The following ATP1B4 variants were observed in gnomAD, a reference collection of about 807,000 sequenced individuals.
ATP1B4 encodes the protein protein ATP1B4.
In ATP1B4, 32 loss-of-function variants were observed where a neutral mutation model predicts 29.6. The ratio of observed to expected loss-of-function variants is 1.08; its 90% CI spans 0.82 to 1.45. ATP1B4 has a LOEUF of 1.45. ATP1B4 is among the 40% of genes most tolerant of loss of function. The pLI is 0.00. For synonymous variants in ATP1B4, 127 were observed against 102.1 expected, an observed-to-expected ratio of 1.24 and a Z score of -1.47; for missense variants, 323 against 276.2, an observed-to-expected ratio of 1.17 and a Z score of -1.20.
At position 120,382,950 on chromosome X, in the gene ATP1B4, A is replaced by G. The variant is rs779884411; in HGVS notation, c.*3316A>G. 1.3e-4 allele frequency: 15 copies of G among 112,144 alleles called. No individual in the cohort carries two copies. The highest frequency in any genetic ancestry group is 2.4e-4 in the Non-Finnish European group (13 of 53,224). 9.2% of individuals were successfully genotyped at this position (112,144 alleles called of 1,213,427 possible). On this transcript the variant is annotated 3_prime_UTR_variant, in exon 8 of 8. Transcript: ENST00000218008. ...TGTTCAATAGACTTCTAGTAGATTA[A>G]TTTAAATAGTTCCCCATACCGTGCT...
Position 120,378,748 on chromosome X carries a change from A to G in ATP1B4, c.887A>G (p.Tyr296Cys), listed in dbSNP as rs750716159. 2 of 1,210,237 alleles carry G rather than the reference A, an allele frequency of 1.7e-6. No individual in the cohort carries two copies. Among genetic ancestry groups the G allele is most frequent in the African/African-American group, 3.5e-5 (2 of 57,595 alleles). ...TCGGCTTCTTTTGACCTCCGCTACT[A>G]CCCTTACTACGGCAAACTGACTCAC... The part of the protein sequence containing the change: ...PESASFDLRY[Y>C]PYYGKLTHVN... Residue 296 changes from tyrosine (Y) to cysteine (C), a missense_variant, in exon 7 of 8, where the codon TAC becomes TGC. By Grantham distance (194) the Tyr-to-Cys change is radical. Coordinates refer to ENST00000218008, the MANE Select transcript of ATP1B4 (RefSeq NM_001142447.3).
intron 4 of ATP1B4, 108 bp from the exon 5 acceptor site, chrX:120,375,264 T>C: frequency 1.4e-6 from 1 of 702,328 alleles, no homozygotes; most frequent in Non-Finnish European, 2.1e-6. Context: ...TTCAGAGGAG[T>C]ACAAACAAGC....
Position 120,362,096 on chromosome X carries a change from C to T in ATP1B4, c.-73C>T. Reference sequence around the variant, plus strand: ...CAAGTGTCCCCAGCAACCAGTGTCTCCTGTACCAGCAGAAGCTCCAGAACT... The same window carrying T: ...CAAGTGTCCCCAGCAACCAGTGTCTTCTGTACCAGCAGAAGCTCCAGAACT... On this transcript the variant is annotated 5_prime_UTR_variant, in exon 1 of 8. Transcript: ENST00000218008. The T allele has an allele frequency of 1.0e-6, 1 of 982,716 alleles. No homozygotes were observed. 81.0% of individuals were successfully genotyped at this position (982,716 alleles called of 1,213,427 possible).
At chrX:120,372,734 C>T (rs763356172) in intron 4 of ATP1B4, among the ~76,000 whole-genome samples, 78 of 112,396 alleles carry the variant, frequency 6.9e-4, no homozygotes, top group African/African-American at 2.5e-3. Context: ...CATAATTCTA[C>T]GCTGCTGTCA....
intron 5 of ATP1B4, 89 bp downstream of exon 5, chrX:120,375,657 C>A: frequency 1.6e-5 from 13 of 798,500 alleles, no homozygotes; most frequent in Non-Finnish European, 2.3e-5. Context: ...TCTCTGTCTT[C>A]ACACACCACA....
rs1395955484 is a variant in ATP1B4, at chrX:120,366,639, A to G, written c.178A>G (p.Lys60Glu). The G allele has an allele frequency of 2.5e-6, 3 of 1,205,270 alleles. No individual in the cohort carries two copies. In the East Asian group the frequency reaches 8.9e-5, roughly 36 times the overall value. The change falls in exon 2 of 8, where the codon AAA becomes GAA. Residue 60 changes from lysine (K) to glutamate (E), a missense_variant. Lys to Glu is a moderately conservative substitution (Grantham distance 56). Coordinates refer to ENST00000218008, the MANE Select transcript of ATP1B4 (RefSeq NM_001142447.3). ...KSEEEEEEEEKEEEEEEEKEE... is the reference protein window; with the variant it reads ...KSEEEEEEEEEEEEEEEEKEE... ...GGAGGAGGAGGAAGAAGAGGAGGAG[A>G]AAGAAGAGGAGGAAGAGGAGGAAAA... is the stretch of plus-strand genomic sequence containing the variant.
At position 120,366,624 on chromosome X, in the gene ATP1B4, G is replaced by GAAGAAGAGGAGGAGA; in HGVS notation, c.177_191dup (p.Lys60_Glu64dup). 8.3e-7 allele frequency: 1 copy of GAAGAAGAGGAGGAGA among 1,206,212 alleles called. No homozygotes were observed. The highest frequency in any genetic ancestry group is 3.0e-5 in the East Asian group (1 of 33,791). On this transcript the variant is annotated inframe_insertion, in exon 2 of 8. Transcript: ENST00000218008. ...GGTGGTGCCCAAATCGGAGGAGGAG[G>GAAGAAGAGGAGGAGA]AAGAAGAGGAGGAGAAAGAAGAGGA... is the stretch of plus-strand genomic sequence containing the variant.
At chrX:120,363,301 C>T (rs1181875898) in intron 1 of ATP1B4, among the ~76,000 whole-genome samples, 1 of 112,285 alleles carries the variant, frequency 8.9e-6, no homozygotes, top group African/African-American at 3.2e-5. Context: ...TTTGAAGAAC[C>T]GTTTAACTTC....
chrX:120,376,445 T>C lies in ATP1B4; in HGVS notation c.816+9T>C. 1 of 1,200,023 alleles carries C rather than the reference T, an allele frequency of 8.3e-7. No individual in the cohort carries two copies. On this transcript the variant is annotated intron_variant, in intron 6 of 7. Transcript: ENST00000218008. Reference sequence around the variant, plus strand: ...TTTCCTGCAAAGTTCAGGTAAAGAGTCCTTTTGAGTAAGCATTGTTAGCAC... The same window carrying C: ...TTTCCTGCAAAGTTCAGGTAAAGAGCCCTTTTGAGTAAGCATTGTTAGCAC...
At position 120,376,397 on chromosome X, in the gene ATP1B4, T is replaced by C. The variant is rs778775768; in HGVS notation, c.777T>C (p.Pro259=). The C allele has an allele frequency of 1.7e-6, 2 of 1,210,717 alleles. No individual in the cohort carries two copies. The highest frequency in any genetic ancestry group is 2.2e-6 in the Non-Finnish European group (2 of 894,536). The change falls in exon 6 of 8, where the codon CCT becomes CCC. Residue 259 remains proline, a synonymous_variant. Transcript: ENST00000218008. ...LKMNRIVGFR[P]ELGDPVKVSC... ...TTTGATAGATTGTAGGCTTTCGTCCTGAGCTTGGAGATCCTGTGAAGGTTT... is the reference window on the plus strand; with the variant it reads ...TTTGATAGATTGTAGGCTTTCGTCCCGAGCTTGGAGATCCTGTGAAGGTTT...
In ATP1B4 at chrX:120,380,796, AG is replaced by A. The variant is rs1402279421; in HGVS notation, c.*1163del. ...GGCCAGGCAAAAGCCAAGGCCCATT[AG>A]CCAGTTTAGCATTTACTTTAAAAAT... On this transcript the variant is annotated 3_prime_UTR_variant, in exon 8 of 8. Transcript: ENST00000218008. 4 of 112,502 alleles carry A rather than the reference AG, an allele frequency of 3.6e-5. No individual in the cohort carries two copies. The highest frequency in any genetic ancestry group is 7.5e-5 in the Non-Finnish European group (4 of 53,292). 9.3% of individuals were successfully genotyped at this position (112,502 alleles called of 1,213,427 possible). A position where few individuals can be genotyped will look rare whatever the true frequency, so the allele number is the denominator to read the frequency against.
intron 6 of ATP1B4, 137 bp from the exon 7 acceptor site, chrX:120,378,541 C>T (rs2147257879): frequency 1.8e-6 from 1 of 548,071 alleles, no homozygotes; most frequent in East Asian, 3.3e-5. Context: ...AGCTCTGCTC[C>T]ATTCTGCTTT....
In ATP1B4 at chrX:120,375,464, G is replaced by T. The variant is rs775620605; in HGVS notation, c.655G>T (p.Ala219Ser). 6.6e-5 allele frequency: 80 copies of T among 1,208,907 alleles called. No individual in the cohort carries two copies. Among genetic ancestry groups the T allele is most frequent in the Non-Finnish European group, 8.4e-5 (75 of 894,678 alleles). ...TGGCAATGAGGATGAGGACAAGAAG[G>T]CCTGCCAATTTAAGCGCTCCTTCCT... ...QDGNEDEDKK[A>S]CQFKRSFLKN... Residue 219 changes from alanine (A) to serine (S), a missense_variant, in exon 5 of 8, where the codon GCC becomes TCC. Transcript: ENST00000218008.
chrX:120,370,633 T>C, intron 2 of ATP1B4, 82 bp from the exon 3 acceptor site: 1 of 1,130,003 alleles, frequency 8.8e-7, no homozygotes. Context: ...CGTGGTTGGG[T>C]TTGTTCTGGT....
chrX:120,362,122 C>G lies in ATP1B4; in HGVS notation c.-47C>G. 8.7e-7 allele frequency: 1 copy of G among 1,146,901 alleles called. No homozygotes were observed. Among genetic ancestry groups the G allele is most frequent in the Non-Finnish European group, 1.2e-6 (1 of 837,517 alleles). The allele number at this position is 1,146,901 out of a possible 1,213,427, so 94.5% of individuals were successfully genotyped here. A position where few individuals can be genotyped will look rare whatever the true frequency, so the allele number is the denominator to read the frequency against. On this transcript the variant is annotated 5_prime_UTR_variant, in exon 1 of 8. Coordinates refer to ENST00000218008, the MANE Select transcript of ATP1B4 (RefSeq NM_001142447.3). ...CTGTACCAGCAGAAGCTCCAGAACT[C>G]TCACCCGATTGCCTGCCTCTGCTGC...
chrX:120,374,717 TATA>T (rs2058337591), intron 4 of ATP1B4, among the ~76,000 whole-genome samples: 1 of 73,529 alleles, frequency 1.4e-5, no homozygotes, highest in Non-Finnish European at 2.4e-5. Context: ...TACCCTTATA[TATA>T]ATATATATAT....
Position 120,372,033 on chromosome X carries a change from C to T in ATP1B4, c.562+823C>T, listed in dbSNP as rs541941323. Among the ~76,000 whole-genome samples the T allele has an allele frequency of 2.3e-4, 26 of 112,308 alleles. No individual in the cohort carries two copies. In the South Asian group the frequency reaches 9.7e-3, roughly 42 times the overall value. On this transcript the variant is annotated intron_variant, in intron 4 of 7. Transcript: ENST00000218008. Reference sequence around the variant, plus strand: ...GAAGAATCTCTGGGTGGCAGTCGCTCCAACATTCTGATCCCAAGTATTTTC... The same window carrying T: ...GAAGAATCTCTGGGTGGCAGTCGCTTCAACATTCTGATCCCAAGTATTTTC...
chrX:120,372,000 A>C (rs1291154117), intron 4 of ATP1B4, among the ~76,000 whole-genome samples: 1 of 112,463 alleles, frequency 8.9e-6, no homozygotes, highest in Non-Finnish European at 1.9e-5. Flanking sequence ...TCCAGAAAGG[A>C]GTTAGAGGAA....
At chrX:120,364,038 C>T (rs2058274727) in intron 1 of ATP1B4, among the ~76,000 whole-genome samples, 1 of 110,343 alleles carries the variant, frequency 9.1e-6, no homozygotes, top group African/African-American at 3.3e-5. Context: ...CACAGCCTCT[C>T]GGGTGTGAGA....
Sources: gnomAD v4.1 joint callset for allele counts (sites outside exome capture counted in the v4.1 genomes callset) on GRCh38, gnomAD v4.1.1 for gene constraint, MANE v1.5 for transcripts, NCBI Gene and HGNC (gene_info 2026-07-23, HGNC 2026-07-21) for gene names.